Variants in TMEM127 observed in about 807,000 individuals in gnomAD.
TMEM127 encodes the protein transmembrane protein 127.
TMEM127 carries 21 observed loss-of-function variants against 20.1 expected under a neutral mutation model. The observed-to-expected ratio is 1.04, with a 90% confidence interval of 0.74 to 1.50. The LOEUF is 1.50. Among genes scored for constraint, TMEM127 ranks in the 40% most tolerant of loss-of-function variants. The probability of loss-of-function intolerance (pLI) is 0.00; values close to 1 mark genes in which losing one functional copy is unlikely to be tolerated. For synonymous variants in TMEM127, 150 were observed against 144.7 expected, an observed-to-expected ratio of 1.04 and a Z score of -0.26; for missense variants, 303 against 317.4, an observed-to-expected ratio of 0.95 and a Z score of 0.34.
rs1223339983 is a variant in TMEM127 at position 96,250,650 on chromosome 2, G to A, written c.*3158C>T. ...GGCTGCTCCCTGAAGAGAGCCCTCAGCTCTTTTACCGTGATGCACACTCGG... is the reference window on the plus strand; with the variant it reads ...GGCTGCTCCCTGAAGAGAGCCCTCAACTCTTTTACCGTGATGCACACTCGG... On this transcript the variant is annotated 3_prime_UTR_variant, in exon 4 of 4. Coordinates refer to ENST00000258439, the MANE Select transcript of TMEM127 (RefSeq NM_017849.4). The A allele has an allele frequency of 4.3e-6, 1 of 232,886 alleles. No individual in the cohort carries two copies. The highest frequency in any genetic ancestry group is 8.5e-6 in the Non-Finnish European group (1 of 117,872). The allele number at this position is 232,886 out of a possible 1,614,324, so 14.4% of individuals were successfully genotyped here. A position where few individuals can be genotyped will look rare whatever the true frequency, so the allele number is the denominator to read the frequency against.
intron 2 of TMEM127, among the ~76,000 whole-genome samples, chr2:96,256,777 G>A (rs576781782): frequency 3.9e-5 from 6 of 152,108 alleles, no homozygotes; most frequent in South Asian, 4.2e-4. Context: ...TGAACTCTAC[G>A]AGAACAAAAG....
intron 2 of TMEM127, 143 bp from the exon 3 acceptor site, chr2:96,255,140 G>A (rs1684178864): frequency 8.4e-7 from 1 of 1,188,008 alleles, no homozygotes; most frequent in African/African-American, 1.5e-5. Flanking sequence ...CCCTGCTCCT[G>A]GGTGGTCTGC....
At chr2:96,259,990 T>G (rs892198203) in intron 2 of TMEM127, among the ~76,000 whole-genome samples, 2 of 152,234 alleles carry the variant, frequency 1.3e-5, no homozygotes, top group African/African-American at 4.8e-5. Context: ...GGGCCTACCC[T>G]ACAAGTATGA....
intron 2 of TMEM127, among the ~76,000 whole-genome samples, chr2:96,256,294 A>G (rs1429611237): frequency 2.0e-5 from 3 of 149,836 alleles, no homozygotes; most frequent in Middle Eastern, 3.5e-3. Flanking sequence ...AAATGTTGGC[A>G]GGGCACGGTG....
In TMEM127 at chr2:96,251,497, G is replaced by A. The variant is rs935255274; in HGVS notation, c.*2311C>T. On this transcript the variant is annotated 3_prime_UTR_variant, in exon 4 of 4. Coordinates refer to ENST00000258439, the MANE Select transcript of TMEM127 (RefSeq NM_017849.4). ...ATCATGCCACGTTACACTCCAGCCC[G>A]GGTGACAGAGCGAGACTCTTGTCTC... 7 of 222,798 alleles carry A rather than the reference G, an allele frequency of 3.1e-5. No individual in the cohort carries two copies. The highest frequency in any genetic ancestry group is 1.3e-4 in the African/African-American group (6 of 44,736). 13.8% of individuals were successfully genotyped at this position (222,798 alleles called of 1,614,324 possible). A position where few individuals can be genotyped will look rare whatever the true frequency, so the allele number is the denominator to read the frequency against.
At chr2:96,254,781 G>C in intron 3 of TMEM127, 52 bp downstream of exon 3, 1 of 1,611,188 alleles carries the variant, frequency 6.2e-7, no homozygotes, top group Non-Finnish European at 8.5e-7. Context: ...CAGACAGGAT[G>C]CCCCCACCCT....
intron 3 of TMEM127, 116 bp from the exon 4 acceptor site, chr2:96,254,231 GC>G: frequency 1.5e-6 from 2 of 1,364,512 alleles, no homozygotes; most frequent in African/African-American, 1.4e-5. Context: ...AACCTGCCTG[GC>G]CCCAGACTCT....
rs1434849865 is a variant in TMEM127, at chr2:96,253,910, C to G, written c.615G>C (p.Glu205Asp). 2.5e-6 allele frequency: 4 copies of G among 1,613,858 alleles called. No homozygotes were observed. In the Admixed American group the frequency reaches 6.7e-5, roughly 27 times the overall value. The change falls in exon 4 of 4, where the codon GAG becomes GAC. Residue 205 changes from glutamate (E) to aspartate (D), a missense_variant. By Grantham distance (45) the Glu-to-Asp change is conservative. Transcript: ENST00000258439. This position sits in a 1 kb window ranked among gnomAD's most constrained non-coding sequence, Gnocchi z 4.3. ...TCTCTGAGAGCAGCTCCAGCGCCTG[C>G]TCCTCTTCCTCTGTGGGGTAGTGGC... ...LLRHYPTEEE[E>D]QALELLSEME...
Position 96,254,076 on chromosome 2 carries a change from G to A in TMEM127, c.449C>T (p.Ala150Val). 6.2e-7 allele frequency: 1 copy of A among 1,614,124 alleles called. No homozygotes were observed. Among genetic ancestry groups the A allele is most frequent in the Non-Finnish European group, 8.5e-7 (1 of 1,180,030 alleles). ...CATVIGFSYW[A>V]SELILAQQQQ... ...CTGCTGGGCCAAGATGAGTTCAGAA[G>A]CCCAATAAGAAAAGCCAATGACGGT... Residue 150 changes from alanine to valine, a missense_variant, in exon 4 of 4, where the codon GCT becomes GTT. Ala to Val is a moderately conservative substitution (Grantham distance 64). Coordinates refer to ENST00000258439, the MANE Select transcript of TMEM127 (RefSeq NM_017849.4).
Position 96,250,562 on chromosome 2 carries a change from C to T in TMEM127, c.*3246G>A. On this transcript the variant is annotated 3_prime_UTR_variant, in exon 4 of 4. Transcript: ENST00000258439. ...TGTCTGAATGGACATGAAATGAGAA[C>T]ACACTCCCAGCTTCCAAGAAAGATG... 1 of 233,010 alleles carries T rather than the reference C, an allele frequency of 4.3e-6. No homozygotes were observed. The highest frequency in any genetic ancestry group is 6.0e-5 in the East Asian group (1 of 16,562). 14.4% of individuals were successfully genotyped at this position (233,010 alleles called of 1,614,324 possible). A position where few individuals can be genotyped will look rare whatever the true frequency, so the allele number is the denominator to read the frequency against.
At chr2:96,258,654 A>G (rs962571203) in intron 2 of TMEM127, among the ~76,000 whole-genome samples, 37 of 152,332 alleles carry the variant, frequency 2.4e-4, no homozygotes, top group Admixed American at 1.0e-3. Context: ...AACTGGGACC[A>G]GCCTTCATTG....
At chr2:96,258,296 G>A (rs1325523129) in intron 2 of TMEM127, among the ~76,000 whole-genome samples, 2 of 152,232 alleles carry the variant, frequency 1.3e-5, no homozygotes, top group Non-Finnish European at 2.9e-5. Context: ...CTCAGAGGAA[G>A]GTGGACTGAT....
intron 2 of TMEM127, among the ~76,000 whole-genome samples, chr2:96,262,993 T>C (rs1352043127): frequency 6.6e-6 from 1 of 151,766 alleles, no homozygotes; most frequent in Non-Finnish European, 1.5e-5. Flanking sequence ...CCGAATAATT[T>C]CTTAGAAAGG....
rs779488412 is a variant in TMEM127, at chr2:96,265,118, C to A, written c.244+20G>T. On this transcript the variant is annotated intron_variant, in intron 2 of 3. Transcript: ENST00000258439. Reference sequence around the variant, plus strand: ...CTGTCCCCCACCGAGGCTTTAAGGGCCAGCGCGCAGCACCCTCACCTTTCA... The same window carrying A: ...CTGTCCCCCACCGAGGCTTTAAGGGACAGCGCGCAGCACCCTCACCTTTCA... 1.2e-6 allele frequency: 2 copies of A among 1,611,820 alleles called. No individual in the cohort carries two copies. Among genetic ancestry groups the A allele is most frequent in the South Asian group, 1.1e-5 (1 of 90,776 alleles).
rs140274612 is a variant in TMEM127 at position 96,250,239 on chromosome 2, G to A, written c.*3569C>T. 112 of 233,060 alleles carry A rather than the reference G, an allele frequency of 4.8e-4. No homozygotes were observed. In the East Asian group the frequency reaches 5.9e-3, roughly 12 times the overall value. The allele number at this position is 233,060 out of a possible 1,614,324, so 14.4% of individuals were successfully genotyped here. Reference sequence around the variant, plus strand: ...GAGCACCCCTCACCTTTCTAACCTCGGCTCTTACCACCTCCTGGCCACCAG... The same window carrying A: ...GAGCACCCCTCACCTTTCTAACCTCAGCTCTTACCACCTCCTGGCCACCAG... On this transcript the variant is annotated 3_prime_UTR_variant, in exon 4 of 4. Coordinates refer to ENST00000258439, the MANE Select transcript of TMEM127 (RefSeq NM_017849.4).
In TMEM127 at chr2:96,251,744, T is replaced by C. The variant is rs1372707198; in HGVS notation, c.*2064A>G. On this transcript the variant is annotated 3_prime_UTR_variant, in exon 4 of 4. Transcript: ENST00000258439. ...CCCGGGGAATTTATATGACAAACTA[T>C]CAGTGTCAGGATGGCAGAGGGAAAG... 4.3e-6 allele frequency: 1 copy of C among 232,206 alleles called. No individual in the cohort carries two copies. Among genetic ancestry groups the C allele is most frequent in the African/African-American group, 2.2e-5 (1 of 45,076 alleles). The allele number at this position is 232,206 out of a possible 1,614,324, so 14.4% of individuals were successfully genotyped here.
At chr2:96,255,767 C>G (rs1684189847) in intron 2 of TMEM127, among the ~76,000 whole-genome samples, 1 of 151,494 alleles carries the variant, frequency 6.6e-6, no homozygotes, top group South Asian at 2.1e-4. Context: ...TGCTCGAGGC[C>G]AAGAGTCTGA....
intron 3 of TMEM127, 111 bp from the exon 4 acceptor site, chr2:96,254,226 G>T (rs895675268): frequency 7.1e-7 from 1 of 1,411,890 alleles, no homozygotes; most frequent in Non-Finnish European, 9.8e-7. Flanking sequence ...CAGAGAACCT[G>T]CCTGGCCCCA....
chr2:96,264,645 C>T (rs1684376772), intron 2 of TMEM127, among the ~76,000 whole-genome samples: 1 of 152,200 alleles, frequency 6.6e-6, no homozygotes, highest in Non-Finnish European at 1.5e-5. Flanking sequence ...TGTTGTACTG[C>T]GGGTGGCAAT....
Sources: allele counts gnomAD v4.1 joint callset (sites outside exome capture counted in the v4.1 genomes callset), GRCh38; gene constraint gnomAD v4.1.1; non-coding constraint Gnocchi (gnomAD v3.1); transcripts MANE v1.5; gene names NCBI Gene and HGNC (gene_info 2026-07-23, HGNC 2026-07-21).